SPOCK3: variants seen among roughly 807,000 people sequenced by gnomAD.
The protein encoded by SPOCK3 is SPARC (osteonectin), cwcv and kazal like domains proteoglycan 3.
In SPOCK3, 30 loss-of-function variants were observed where a neutral mutation model predicts 56.6. That is an observed-to-expected ratio of 0.53 (90% confidence interval 0.40 to 0.72). SPOCK3 has a LOEUF of 0.72. Ranked by LOEUF, SPOCK3 falls within the 30% of genes least tolerant of loss-of-function variation. The pLI is 0.00. For missense variants in SPOCK3, 527 were observed against 530.0 expected (o/e 0.99, Z 0.06); for synonymous variants, 196 against 183.3 (o/e 1.07, Z -0.56).
chr4:167,113,858 CT>C (rs1309791606), intron 2 of SPOCK3, among the ~76,000 whole-genome samples: 20 of 152,042 alleles, frequency 1.3e-4, no homozygotes, highest in Non-Finnish European at 2.9e-4. Context: ...AGCTGCAGTG[CT>C]TTGCTCCTTC....
chr4:167,226,677 C>G (rs1736630251), intron 2 of SPOCK3, among the ~76,000 whole-genome samples: 1 of 151,992 alleles, frequency 6.6e-6, no homozygotes, highest in Non-Finnish European at 1.5e-5. Context: ...CTGTGGGATA[C>G]AAGTAGAAGT....
At chr4:166,958,766 C>T (rs371318100) in intron 4 of SPOCK3, among the ~76,000 whole-genome samples, 2 of 152,106 alleles carry the variant, frequency 1.3e-5, no homozygotes, top group African/African-American at 4.8e-5. Context: ...TGTCTGTCTC[C>T]TTCTACTAGA....
chr4:166,878,946 C>G (rs1464468626), intron 6 of SPOCK3, among the ~76,000 whole-genome samples: 1 of 152,082 alleles, frequency 6.6e-6, no homozygotes, highest in Non-Finnish European at 1.5e-5. Context: ...ATAATACATG[C>G]AGCTAAAGGA....
intron 3 of SPOCK3, among the ~76,000 whole-genome samples, chr4:167,013,369 A>G (rs1385714022): frequency 6.6e-6 from 1 of 151,706 alleles, no homozygotes; most frequent in Non-Finnish European, 1.5e-5. Context: ...TTGGTTTGCT[A>G]CCATTTGTTT....
chr4:167,025,605 T>G (rs575449448), intron 3 of SPOCK3, among the ~76,000 whole-genome samples: 1 of 152,134 alleles, frequency 6.6e-6, no homozygotes, highest in Admixed American at 6.6e-5. Context: ...TACAGACAGC[T>G]TTAGCAACTG....
intron 6 of SPOCK3, among the ~76,000 whole-genome samples, chr4:166,881,093 A>G (rs1271162884): frequency 6.6e-6 from 1 of 152,118 alleles, no homozygotes; most frequent in Non-Finnish European, 1.5e-5. Flanking sequence ...CTTTCAACAT[A>G]TACTTTTAAA....
At chr4:167,198,713 G>C (rs1336023506) in intron 2 of SPOCK3, among the ~76,000 whole-genome samples, 1 of 152,032 alleles carries the variant, frequency 6.6e-6, no homozygotes, top group Non-Finnish European at 1.5e-5. Flanking sequence ...TCTTTGCCCA[G>C]CTCAGTTTCT....
chr4:166,794,640 T>C (rs990883774), intron 6 of SPOCK3, among the ~76,000 whole-genome samples: 5 of 149,566 alleles, frequency 3.3e-5, no homozygotes, highest in Admixed American at 1.3e-4. Context: ...TCTTTCTTTC[T>C]TTCTTTTTTT....
intron 4 of SPOCK3, among the ~76,000 whole-genome samples, chr4:166,924,272 T>G (rs1738825628): frequency 6.6e-6 from 1 of 152,208 alleles, no homozygotes; most frequent in Non-Finnish European, 1.5e-5. Flanking sequence ...GACTCTTTTC[T>G]GCCCTGTGTT....
intron 4 of SPOCK3, among the ~76,000 whole-genome samples, chr4:166,937,857 G>T (rs979627906): frequency 1.3e-5 from 2 of 149,418 alleles, no homozygotes; most frequent in Admixed American, 6.7e-5. Context: ...TCCGCCTCCC[G>T]GGTTCACGCC....
intron 5 of SPOCK3, among the ~76,000 whole-genome samples, chr4:166,892,359 A>C (rs1734872019): frequency 1.3e-5 from 2 of 151,952 alleles, no homozygotes; most frequent in South Asian, 4.1e-4. Flanking sequence ...AAAGAATAAC[A>C]GAATCAGATG....
chr4:167,021,229 T>C (rs1377872334), intron 3 of SPOCK3, among the ~76,000 whole-genome samples: 2 of 152,090 alleles, frequency 1.3e-5, no homozygotes, highest in African/African-American at 4.8e-5. Flanking sequence ...ATAGAAAATA[T>C]TAACACAAAG....
intron 6 of SPOCK3, among the ~76,000 whole-genome samples, chr4:166,831,998 A>G (rs886072871): frequency 6.6e-6 from 1 of 151,862 alleles, no homozygotes; most frequent in Non-Finnish European, 1.5e-5. Context: ...TTTGTCAGAT[A>G]TATAGTTTGC....
intron 2 of SPOCK3, among the ~76,000 whole-genome samples, chr4:167,197,304 A>G (rs1028978238): frequency 1.5e-4 from 23 of 152,190 alleles, no homozygotes; most frequent in African/African-American, 5.1e-4. Context: ...ACCAATTTCA[A>G]TAATATAGAT....
intron 2 of SPOCK3, among the ~76,000 whole-genome samples, chr4:167,179,260 G>A (rs1202959053): frequency 5.9e-5 from 9 of 152,082 alleles, no homozygotes; most frequent in Admixed American, 5.9e-4. Flanking sequence ...AAACTTTCTA[G>A]GATGAAAGTC....
intron 2 of SPOCK3, among the ~76,000 whole-genome samples, chr4:167,102,922 GAAA>G (rs55740507): frequency 9.6e-5 from 6 of 62,526 alleles, no homozygotes; most frequent in African/African-American, 3.6e-4. Context: ...ATAGCTTGCA[GAAA>G]AAAAAAAAAA....
At chr4:166,903,235 T>C (rs2127064032) in intron 5 of SPOCK3, among the ~76,000 whole-genome samples, 1 of 151,502 alleles carries the variant, frequency 6.6e-6, no homozygotes, top group South Asian at 2.1e-4. Context: ...GTGGAATCCT[T>C]AGACGTTTGA....
intron 6 of SPOCK3, among the ~76,000 whole-genome samples, chr4:166,885,799 T>C (rs1196165505): frequency 6.6e-6 from 1 of 152,148 alleles, no homozygotes; most frequent in Non-Finnish European, 1.5e-5. Flanking sequence ...ATAAAACTCA[T>C]AATCATAAGA....
chr4:166,790,362 A>G lies in SPOCK3; in HGVS notation c.709+1808T>C, dbSNP rs1741209549. 2.0e-5 allele frequency among the ~76,000 whole-genome samples: 3 copies of G among 152,164 alleles called. 1 individual carries two copies. The highest frequency in any genetic ancestry group is 6.3e-3 in the Middle Eastern group (2 of 316). ...CACAAATTAAATAAGATAGACCCAAAGAAGAATTCACCCATAGGGTGCACA... is the reference window on the plus strand; with the variant it reads ...CACAAATTAAATAAGATAGACCCAAGGAAGAATTCACCCATAGGGTGCACA... On this transcript the variant is annotated intron_variant, in intron 7 of 10. Transcript: ENST00000357545.
Sources: gnomAD v4.1 joint callset for allele counts (sites outside exome capture counted in the v4.1 genomes callset) on GRCh38, gnomAD v4.1.1 for gene constraint, MANE v1.5 for transcripts, NCBI Gene and HGNC (gene_info 2026-07-23, HGNC 2026-07-21) for gene names.